DYM: variants seen among roughly 807,000 people sequenced by gnomAD.
DYM encodes the protein dyggve-Melchior-Clausen syndrome protein.
Under a neutral mutation model 93.1 loss-of-function variants are expected in DYM, and 78 were observed. The ratio of observed to expected loss-of-function variants is 0.84; its 90% CI spans 0.70 to 1.01. The LOEUF (loss-of-function observed/expected upper bound fraction) is 1.01, where lower values mean the gene tolerates loss of function less well. Among genes scored for constraint, DYM ranks in the 50% least tolerant of loss-of-function variants. The probability of loss-of-function intolerance (pLI) is 0.00; values close to 1 mark genes in which losing one functional copy is unlikely to be tolerated. For missense variants in DYM, 789 were observed against 845.0 expected, an observed-to-expected ratio of 0.93 and a Z score of 0.82; for synonymous variants, 321 against 319.7, an observed-to-expected ratio of 1.00 and a Z score of -0.04.
intron 2 of DYM, among the ~76,000 whole-genome samples, chr18:49,404,670 A>G (rs1322383904): frequency 6.6e-6 from 1 of 152,146 alleles, no homozygotes; most frequent in Non-Finnish European, 1.5e-5. Flanking sequence ...CTAATGATTA[A>G]TGATGTGGAG....
intron 8 of DYM, among the ~76,000 whole-genome samples, chr18:49,316,985 T>C (rs138572429): frequency 6.6e-6 from 1 of 152,352 alleles, no homozygotes; most frequent in East Asian, 1.9e-4. Flanking sequence ...TGCTTCCAAT[T>C]TGGGGAAATT....
intron 1 of DYM, among the ~76,000 whole-genome samples, chr18:49,441,261 AT>A (rs2081532476): frequency 2.7e-5 from 1 of 36,436 alleles, no homozygotes; most frequent in Non-Finnish European, 4.7e-5. Flanking sequence ...GTTATATATA[AT>A]TATATAATAT....
At chr18:49,369,403 C>T (rs1186980307) in intron 5 of DYM, among the ~76,000 whole-genome samples, 1 of 152,192 alleles carries the variant, frequency 6.6e-6, no homozygotes, top group Non-Finnish European at 1.5e-5. Flanking sequence ...TTGGACAGAA[C>T]TGCTTCTTCC....
At chr18:49,395,780 T>C (rs1238995780) in intron 2 of DYM, among the ~76,000 whole-genome samples, 1 of 152,038 alleles carries the variant, frequency 6.6e-6, no homozygotes, top group African/African-American at 2.4e-5. Context: ...AAATTACAAA[T>C]GTTGGCAAGG....
chr18:49,228,791 G>C (rs908795864), intron 13 of DYM, among the ~76,000 whole-genome samples: 2 of 152,106 alleles, frequency 1.3e-5, no homozygotes, highest in Non-Finnish European at 2.9e-5. Flanking sequence ...CATGATGGGG[G>C]TTGGGAGGAA....
intron 5 of DYM, among the ~76,000 whole-genome samples, chr18:49,371,906 CA>C (rs1289091411): frequency 6.6e-6 from 1 of 152,212 alleles, no homozygotes; most frequent in Non-Finnish European, 1.5e-5. Flanking sequence ...AGCTTACTGA[CA>C]GTCACATTAC....
At chr18:49,301,720 G>T (rs1457941368) in intron 8 of DYM, among the ~76,000 whole-genome samples, 1 of 152,152 alleles carries the variant, frequency 6.6e-6, no homozygotes, top group Non-Finnish European at 1.5e-5. Context: ...AGTCTCCAAA[G>T]CTGGTGAGGA....
chr18:49,251,954 C>G (rs2094297151), intron 13 of DYM, among the ~76,000 whole-genome samples: 1 of 151,994 alleles, frequency 6.6e-6, no homozygotes. Flanking sequence ...TGGCTCACAC[C>G]TGTAATCCCA....
rs148345006 is a variant in DYM, at chr18:49,332,019, G to GA, written c.621-14dup. On this transcript the variant is annotated splice_polypyrimidine_tract_variant and intron_variant, in intron 7 of 17. Coordinates refer to ENST00000675505, the MANE Select transcript of DYM (RefSeq NM_001353214.3). The stretch of plus-strand genomic sequence containing the variant: ...GGTGTATGGAAGACTATACAAAAAG[G>GA]AAAAAAAAATCAAACTCATATTTAT... 276 of 1,597,162 alleles carry GA rather than the reference G, an allele frequency of 1.7e-4. No homozygotes were observed. The highest frequency in any genetic ancestry group is 7.0e-4 in the Middle Eastern group (4 of 5,736).
At chr18:49,120,238 C>T (rs760647070) in intron 15 of DYM, among the ~76,000 whole-genome samples, 1 of 151,938 alleles carries the variant, frequency 6.6e-6, no homozygotes, top group South Asian at 2.1e-4. Context: ...GGTAGTTACA[C>T]ATTAATAACT....
intron 13 of DYM, among the ~76,000 whole-genome samples, chr18:49,254,585 C>T (rs1009911356): frequency 2.0e-5 from 3 of 152,010 alleles, no homozygotes; most frequent in Non-Finnish European, 2.9e-5. Context: ...TCTACTTTTG[C>T]CATCACAGAT....
intron 1 of DYM, among the ~76,000 whole-genome samples, chr18:49,433,529 A>G (rs2080526898): frequency 6.6e-6 from 1 of 152,174 alleles, no homozygotes; most frequent in Admixed American, 6.5e-5. Context: ...GTAGTGCTCA[A>G]TAGAAAATAT....
intron 6 of DYM, among the ~76,000 whole-genome samples, chr18:49,351,636 C>T (rs1171064594): frequency 6.6e-6 from 1 of 150,692 alleles, no homozygotes; most frequent in Non-Finnish European, 1.5e-5. Flanking sequence ...CATCAGAATT[C>T]CCTCTAACAA....
intron 15 of DYM, among the ~76,000 whole-genome samples, chr18:49,148,988 C>A (rs573754404): frequency 6.6e-6 from 1 of 152,246 alleles, no homozygotes; most frequent in East Asian, 1.9e-4. Flanking sequence ...ATACAACTTA[C>A]CATGATGTAG....
intron 14 of DYM, among the ~76,000 whole-genome samples, chr18:49,175,331 A>G (rs2089262526): frequency 6.6e-6 from 1 of 152,182 alleles, no homozygotes; most frequent in African/African-American, 2.4e-5. Context: ...TTACAAAATC[A>G]GAAACAAGCA....
intron 3 of DYM, among the ~76,000 whole-genome samples, chr18:49,387,695 G>A (rs78571163): frequency 0.084 from 12,831 of 152,124 alleles, 660 homozygotes; most frequent in East Asian, 0.18. Flanking sequence ...CATTTAACAC[G>A]TTATTGCACA....
chr18:49,232,425 TCCCGAGTAGCTAGGACTACAGGCACCCA>T (rs1465520296), intron 13 of DYM, among the ~76,000 whole-genome samples: 2 of 150,780 alleles, frequency 1.3e-5, no homozygotes, highest in African/African-American at 4.9e-5. Flanking sequence ...TGCCTCAGCC[TCCCGAGTAGCTAGGACTACAGGCACCCA>T]CCACCACACC....
Position 49,379,726 on chromosome 18 carries a change from C to G in DYM, c.226G>C (p.Ala76Pro). Residue 76 changes from alanine to proline, a missense_variant, in exon 4 of 18, where the codon GCA becomes CCA. This residue lies in a region of DYM where 450 missense variants were observed against 436.2 expected (regional missense o/e 1.03). Coordinates refer to ENST00000675505, the MANE Select transcript of DYM (RefSeq NM_001353214.3). ...CTAGAAAGGAAGACCTTAATTAGTG[C>G]ACCAAGATTTCCTGTTCGAGGATTG... ...ENNPRTGNLGALIKVFLSRTK... is the reference protein window; with the variant it reads ...ENNPRTGNLGPLIKVFLSRTK... The G allele has an allele frequency of 6.2e-7, 1 of 1,613,338 alleles. No homozygotes were observed. The highest frequency in any genetic ancestry group is 8.5e-7 in the Non-Finnish European group (1 of 1,179,518).
intron 1 of DYM, among the ~76,000 whole-genome samples, chr18:49,441,041 A>AT (rs1568452811): frequency 1.3e-4 from 1 of 7,598 alleles, no homozygotes; most frequent in African/African-American, 3.3e-4. Flanking sequence ...ATAATATATA[A>AT]ATATATAATA....
Sources: allele counts gnomAD v4.1 joint callset (sites outside exome capture counted in the v4.1 genomes callset), GRCh38; gene constraint gnomAD v4.1.1; regional missense constraint gnomAD v4.1.1; transcripts MANE v1.5; gene names NCBI Gene and HGNC (gene_info 2026-07-23, HGNC 2026-07-21).